Variants in KIAA1217 observed in about 807,000 individuals in gnomAD.
KIAA1217 encodes sickle tail protein homolog.
Under a neutral mutation model 163.9 loss-of-function variants are expected in KIAA1217, and 88 were observed. That is an observed-to-expected ratio of 0.54 (90% CI 0.45 to 0.64). KIAA1217 has a LOEUF of 0.64. KIAA1217 is among the 30% of genes least tolerant of loss of function. The pLI is 0.00. For missense variants in KIAA1217, 2,372 were observed against 2,475.0 expected, an observed-to-expected ratio of 0.96 and a Z score of 0.88; for synonymous variants, 903 against 923.1, an observed-to-expected ratio of 0.98 and a Z score of 0.39.
rs370150905 is a variant in KIAA1217, at chr10:24,275,327, T to C, written c.354+55418T>C. On this transcript the variant is annotated intron_variant, in intron 2 of 20. Transcript: ENST00000376454. ...AGTCACTCACACACACATACACGCA[T>C]GCAGGTGCACACACAGACACAAAAA... Among the ~76,000 whole-genome samples the C allele has an allele frequency of 1.4e-4, 21 of 152,260 alleles. 1 individual carries two copies. The highest frequency in any genetic ancestry group is 1.0e-3 in the Admixed American group (16 of 15,284).
At chr10:23,933,696 GA>G (rs998575902) in intron 1 of KIAA1217, among the ~76,000 whole-genome samples, 15 of 150,278 alleles carry the variant, frequency 1.0e-4, no homozygotes, top group South Asian at 4.2e-4. Flanking sequence ...ATATTTAAAA[GA>G]AAAAAAAATC....
At chr10:24,052,303 T>A (rs1849573440) in intron 2 of KIAA1217, among the ~76,000 whole-genome samples, 1 of 152,164 alleles carries the variant, frequency 6.6e-6, no homozygotes, top group Non-Finnish European at 1.5e-5. Context: ...ATGGATCTGA[T>A]AAAGAAACTT....
chr10:23,743,300 A>AC (rs1475959910), intron 1 of KIAA1217, among the ~76,000 whole-genome samples: 2 of 151,812 alleles, frequency 1.3e-5, no homozygotes, highest in Non-Finnish European at 2.9e-5. Context: ...CGGTAATTCC[A>AC]CCCAACACCT....
intron 2 of KIAA1217, among the ~76,000 whole-genome samples, chr10:24,094,422 T>C (rs868295587): frequency 5.4e-4 from 82 of 152,344 alleles, no homozygotes; most frequent in African/African-American, 1.9e-3. Flanking sequence ...GTGGATGTCC[T>C]TTCTGTTTGT....
intron 2 of KIAA1217, among the ~76,000 whole-genome samples, chr10:24,286,754 C>T (rs2078583686): frequency 6.6e-6 from 1 of 152,142 alleles, no homozygotes; most frequent in South Asian, 2.1e-4. Context: ...CTTTGTTTTA[C>T]TCCAAACTCT....
At chr10:23,972,068 A>G (rs751426229) in intron 1 of KIAA1217, among the ~76,000 whole-genome samples, 16 of 152,224 alleles carry the variant, frequency 1.1e-4, no homozygotes, top group Admixed American at 3.9e-4. Context: ...CCCCAAATGT[A>G]TAAAACCAAG....
At chr10:24,466,626 G>A in intron 5 of KIAA1217, 1 of 985,410 alleles carries the variant, frequency 1.0e-6, no homozygotes, top group Non-Finnish European at 1.2e-6. Flanking sequence ...GGATCTTTGT[G>A]TCTTTTGTGA....
intron 2 of KIAA1217, among the ~76,000 whole-genome samples, chr10:24,324,853 G>A (rs1025787885): frequency 9.2e-5 from 14 of 152,116 alleles, no homozygotes; most frequent in Non-Finnish European, 1.6e-4. Context: ...ATAGGAGCCC[G>A]AGGTTATCAT....
At position 23,790,285 on chromosome 10, in the gene KIAA1217, A is replaced by ATATGCACATATGCATATATG. The variant is rs1394611226; in HGVS notation, c.-321+95051_-321+95052insTATGCACATATGCATATATG. 2.2e-5 allele frequency among the ~76,000 whole-genome samples: 2 copies of ATATGCACATATGCATATATG among 90,026 alleles called. 1 individual carries two copies. Among genetic ancestry groups the ATATGCACATATGCATATATG allele is most frequent in the Non-Finnish European group, 4.4e-5 (2 of 45,818 alleles). The allele number at this position is 90,026 out of a possible 152,430, so 59.1% of individuals were successfully genotyped here. ...TATGCATATGCACATATGCATATGC[A>ATATGCACATATGCATATATG]CATATGCATATGCACATATGCATAT... On this transcript the variant is annotated intron_variant, in intron 1 of 18. Coordinates refer to the KIAA1217 transcript ENST00000376462.
chr10:24,046,242 G>T (rs189201281), intron 2 of KIAA1217, among the ~76,000 whole-genome samples: 160 of 152,108 alleles, frequency 1.1e-3, no homozygotes, highest in Non-Finnish European at 1.3e-3. Flanking sequence ...TGATGATGAC[G>T]ATGACGATGA....
chr10:24,437,897 G>T (rs1452664974), intron 4 of KIAA1217, among the ~76,000 whole-genome samples: 26 of 67,184 alleles, frequency 3.9e-4, no homozygotes, highest in South Asian at 1.0e-3. Flanking sequence ...TGCCGAAAGT[G>T]TTTGAAGGCA....
At chr10:24,373,298 C>T (rs763019454) in intron 2 of KIAA1217, among the ~76,000 whole-genome samples, 4 of 152,178 alleles carry the variant, frequency 2.6e-5, no homozygotes, top group Admixed American at 2.6e-4. Flanking sequence ...CTGCCACCCT[C>T]TTCTTGGCTC....
intron 1 of KIAA1217, among the ~76,000 whole-genome samples, chr10:23,834,226 T>C (rs898676271): frequency 1.3e-5 from 2 of 152,216 alleles, no homozygotes; most frequent in Non-Finnish European, 2.9e-5. Context: ...CAGATCTTAT[T>C]ATGTTTTGAA....
intron 2 of KIAA1217, among the ~76,000 whole-genome samples, chr10:24,245,319 G>A (rs1488704936): frequency 1.3e-5 from 2 of 152,082 alleles, no homozygotes; most frequent in East Asian, 1.9e-4. Flanking sequence ...TGTGGTCTCC[G>A]CCCTGGCTGG....
chr10:23,833,689 T>G (rs1838319657), intron 1 of KIAA1217, among the ~76,000 whole-genome samples: 3 of 152,036 alleles, frequency 2.0e-5, no homozygotes, highest in Non-Finnish European at 4.4e-5. Context: ...TTTAACTTTT[T>G]TGGTACTTAG....
At chr10:24,349,615 A>T (rs187209692) in intron 2 of KIAA1217, among the ~76,000 whole-genome samples, 5 of 152,160 alleles carry the variant, frequency 3.3e-5, no homozygotes, top group Admixed American at 2.0e-4. Context: ...GGCCAGCTTG[A>T]TGGAGGCTCT....
At chr10:24,019,628 T>G (rs1044116185) in intron 2 of KIAA1217, among the ~76,000 whole-genome samples, 7 of 151,944 alleles carry the variant, frequency 4.6e-5, no homozygotes, top group African/African-American at 1.7e-4. Context: ...ACTCTGAGGT[T>G]GCAGTGCAAA....
intron 1 of KIAA1217, among the ~76,000 whole-genome samples, chr10:23,882,588 C>A (rs964934172): frequency 2.6e-5 from 4 of 151,830 alleles, no homozygotes; most frequent in Non-Finnish European, 5.9e-5. Context: ...CTATTGATTG[C>A]TGGATTGATT....
intron 1 of KIAA1217, among the ~76,000 whole-genome samples, chr10:23,867,335 G>A (rs1169910061): frequency 6.6e-6 from 1 of 151,642 alleles, no homozygotes; most frequent in African/African-American, 2.4e-5. Context: ...CTTTATAGCA[G>A]CATGATTTAT....
Sources: allele counts gnomAD v4.1 joint callset (sites outside exome capture counted in the v4.1 genomes callset), GRCh38; gene constraint gnomAD v4.1.1; transcripts MANE v1.5; gene names NCBI Gene and HGNC (gene_info 2026-07-23, HGNC 2026-07-21).